KIFAP3: variants seen among roughly 807,000 people sequenced by gnomAD.
KIFAP3 encodes kinesin associated protein 3, also known as kinesin-associated protein 3.
KIFAP3 carries 68 observed loss-of-function variants against 106.5 expected under a neutral mutation model. The ratio of observed to expected loss-of-function variants is 0.64; its 90% CI spans 0.53 to 0.78. The LOEUF is 0.78. KIFAP3 is among the 30% of genes least tolerant of loss of function. KIFAP3 has a pLI of 0.00. For missense variants in KIFAP3, 780 were observed against 941.8 expected (o/e 0.83, Z 2.25); for synonymous variants, 320 against 311.5 (o/e 1.03, Z -0.29).
intron 17 of KIFAP3, among the ~76,000 whole-genome samples, chr1:169,964,228 G>C (rs891652126): frequency 1.3e-5 from 2 of 152,132 alleles, no homozygotes; most frequent in Non-Finnish European, 2.9e-5. Flanking sequence ...CTTAATGTTA[G>C]CCATTACCTT....
At chr1:169,990,145 A>C (rs867782427) in intron 11 of KIFAP3, 101 of 1,497,924 alleles carry the variant, frequency 6.7e-5, no homozygotes, top group Non-Finnish European at 8.4e-5. Context: ...TATTTACAAG[A>C]AGCACAGAGT....
At chr1:170,001,556 C>T (rs1366075100) in intron 10 of KIFAP3, among the ~76,000 whole-genome samples, 5 of 152,132 alleles carry the variant, frequency 3.3e-5, no homozygotes, top group Admixed American at 2.6e-4. Flanking sequence ...TGTTTGCTCA[C>T]TTGATCAGGT....
chr1:169,995,295 A>G (rs1417256863), intron 10 of KIFAP3, among the ~76,000 whole-genome samples: 1 of 152,072 alleles, frequency 6.6e-6, no homozygotes, highest in Non-Finnish European at 1.5e-5. Context: ...GGAATCCCTT[A>G]GTCTTGGTCT....
chr1:170,057,359 T>C (rs1202828189), intron 1 of KIFAP3, among the ~76,000 whole-genome samples: 1 of 152,136 alleles, frequency 6.6e-6, no homozygotes, highest in Non-Finnish European at 1.5e-5. Context: ...CACTCCTTTT[T>C]AGTTTTTGTT....
At chr1:169,997,627 T>C (rs932722140) in intron 10 of KIFAP3, among the ~76,000 whole-genome samples, 7 of 151,988 alleles carry the variant, frequency 4.6e-5, no homozygotes, top group Non-Finnish European at 1.0e-4. Context: ...TCTTAGCACT[T>C]TGGGAGGCTG....
At chr1:170,038,168 C>G (rs577938430) in intron 5 of KIFAP3, 122 bp downstream of exon 5, 101 of 770,888 alleles carry the variant, frequency 1.3e-4, no homozygotes, top group Non-Finnish European at 2.0e-4. Context: ...GCTACACTCT[C>G]AATTTAAGAA....
At chr1:170,007,133 T>C (rs919360587) in intron 10 of KIFAP3, among the ~76,000 whole-genome samples, 14 of 152,144 alleles carry the variant, frequency 9.2e-5, no homozygotes, top group African/African-American at 1.7e-4. Flanking sequence ...GAATTGACCA[T>C]TGGCTTTGGC....
At chr1:170,017,886 T>A (rs1278913765) in intron 9 of KIFAP3, among the ~76,000 whole-genome samples, 2 of 152,164 alleles carry the variant, frequency 1.3e-5, no homozygotes, top group African/African-American at 4.8e-5. Flanking sequence ...AGGCAAAAAA[T>A]TATTTTAATT....
chr1:169,959,972 C>G lies in KIFAP3; in HGVS notation c.2173+1074G>C, dbSNP rs1326833736. ...GTTAGGAAGAAATCTATTTGATTTT[C>G]AGAGTAAAGCATAAGTTTTCCATGA... On this transcript the variant is annotated intron_variant, in intron 18 of 19. Transcript: ENST00000361580. Among the ~76,000 whole-genome samples the G allele has an allele frequency of 4.6e-5, 7 of 152,074 alleles. No homozygotes were observed. The East Asian group carries it at 1.4e-3, about 29-fold the overall frequency.
chr1:169,944,960 C>T (rs1664352262), intron 19 of KIFAP3, among the ~76,000 whole-genome samples: 1 of 152,134 alleles, frequency 6.6e-6, no homozygotes, highest in South Asian at 2.1e-4. Context: ...CTCAGGCCAT[C>T]CCTGGTTAGA....
intron 19 of KIFAP3, among the ~76,000 whole-genome samples, chr1:169,928,723 T>TAAAAAAAAAAAAA (rs1258694998): frequency 3.2e-4 from 21 of 65,398 alleles, no homozygotes; most frequent in African/African-American, 6.5e-4. Flanking sequence ...AAAAAAAAAT[T>TAAAAAAAAAAAAA]AAAGTTATAC....
chr1:169,957,771 C>A (rs1291268415), intron 18 of KIFAP3, among the ~76,000 whole-genome samples: 1 of 152,004 alleles, frequency 6.6e-6, no homozygotes, highest in Non-Finnish European at 1.5e-5. Flanking sequence ...GGATTACAGG[C>A]GTGTGCTATC....
intron 11 of KIFAP3, among the ~76,000 whole-genome samples, chr1:169,986,301 T>G (rs1666826264): frequency 6.6e-6 from 1 of 151,880 alleles, no homozygotes; most frequent in Non-Finnish European, 1.5e-5. Context: ...AAAATTAAAT[T>G]TGGTTAAATT....
chr1:169,986,463 A>G (rs1336809395), intron 11 of KIFAP3, among the ~76,000 whole-genome samples: 1 of 151,944 alleles, frequency 6.6e-6, no homozygotes, highest in African/African-American at 2.4e-5. Context: ...TTTAACCACA[A>G]ATATTACCAC....
intron 7 of KIFAP3, 109 bp from the exon 8 acceptor site, chr1:170,032,093 A>G: frequency 1.5e-6 from 1 of 646,092 alleles, no homozygotes; most frequent in Non-Finnish European, 2.8e-6. Flanking sequence ...TTATCCAGTT[A>G]TTTTTCTCAC....
chr1:170,009,767 G>A (rs1417659876), intron 10 of KIFAP3, among the ~76,000 whole-genome samples: 1 of 152,110 alleles, frequency 6.6e-6, no homozygotes, highest in African/African-American at 2.4e-5. Flanking sequence ...ACCCAGGATA[G>A]TCTGACGTAA....
intron 10 of KIFAP3, among the ~76,000 whole-genome samples, chr1:170,000,440 A>G (rs1322089215): frequency 6.6e-6 from 1 of 152,144 alleles, no homozygotes; most frequent in African/African-American, 2.4e-5. Flanking sequence ...AACGTGCTTC[A>G]AAATTTGCAG....
rs181183362 is a variant in KIFAP3, at chr1:169,970,227, C to T, written c.1983+2286G>A. On this transcript the variant is annotated intron_variant, in intron 17 of 19. Coordinates refer to ENST00000361580, the MANE Select transcript of KIFAP3 (RefSeq NM_014970.4). Reference sequence around the variant, plus strand: ...CTTCCTGCTCCTCTTTGTACCTACACCATTCCCTGCCTCCCCAAGCTACAA... The same window carrying T: ...CTTCCTGCTCCTCTTTGTACCTACATCATTCCCTGCCTCCCCAAGCTACAA... 2.0e-3 allele frequency among the ~76,000 whole-genome samples: 301 copies of T among 152,156 alleles called. 2 individuals are homozygous for T. Among genetic ancestry groups the T allele is most frequent in the Admixed American group, 4.7e-3 (72 of 15,232 alleles).
At chr1:169,968,498 A>AT (rs1231342983) in intron 17 of KIFAP3, among the ~76,000 whole-genome samples, 1 of 151,900 alleles carries the variant, frequency 6.6e-6, no homozygotes, top group Admixed American at 6.6e-5. Flanking sequence ...AATATGGTTT[A>AT]TTTAATATAA....
Sources: allele counts gnomAD v4.1 joint callset (sites outside exome capture counted in the v4.1 genomes callset), GRCh38; gene constraint gnomAD v4.1.1; transcripts MANE v1.5; gene names NCBI Gene and HGNC (gene_info 2026-07-23, HGNC 2026-07-21).